The following AKAP6 variants were observed in gnomAD, a reference collection of about 807,000 sequenced individuals.
The protein encoded by AKAP6 is A-kinase anchor protein 6.
In AKAP6, 58 loss-of-function variants were observed where a neutral mutation model predicts 188.5. That is an observed-to-expected ratio of 0.31 (90% CI 0.25 to 0.38). The LOEUF (loss-of-function observed/expected upper bound fraction) is 0.38. Ranked by LOEUF, AKAP6 falls within the 10% of genes least tolerant of loss-of-function variation. AKAP6 has a pLI of 1.00. For missense variants in AKAP6, 2,710 were observed against 2,740.0 expected (o/e 0.99, Z 0.24); for synonymous variants, 989 against 998.6 (o/e 0.99, Z 0.18).
At chr14:32,565,900 A>G (rs943109029) in intron 4 of AKAP6, among the ~76,000 whole-genome samples, 1 of 152,056 alleles carries the variant, frequency 6.6e-6, no homozygotes, top group African/African-American at 2.4e-5. Flanking sequence ...TCTTTTTCTG[A>G]ATCACTTACA....
At chr14:32,375,397 A>G (rs1888127985) in intron 1 of AKAP6, among the ~76,000 whole-genome samples, 1 of 151,834 alleles carries the variant, frequency 6.6e-6, no homozygotes. Context: ...GTTTGGAAGT[A>G]CTCTCTGGAA....
chr14:32,575,661 A>G (rs966625551), intron 4 of AKAP6, among the ~76,000 whole-genome samples: 21 of 152,186 alleles, frequency 1.4e-4, no homozygotes, highest in Non-Finnish European at 2.2e-4. Context: ...GAAATCTTGC[A>G]TTTGTGAAAT....
At chr14:32,541,787 T>G (rs973110069) in intron 3 of AKAP6, among the ~76,000 whole-genome samples, 2 of 152,216 alleles carry the variant, frequency 1.3e-5, no homozygotes, top group Non-Finnish European at 2.9e-5. Flanking sequence ...GCTTTTGAAT[T>G]GGGAATCTCA....
At chr14:32,598,563 T>C (rs866284922) in intron 5 of AKAP6, among the ~76,000 whole-genome samples, 3 of 152,278 alleles carry the variant, frequency 2.0e-5, no homozygotes, top group Middle Eastern at 3.4e-3. Context: ...TGACATGAAT[T>C]GGAGATAAAT....
intron 7 of AKAP6, among the ~76,000 whole-genome samples, chr14:32,620,842 G>A (rs1413132255): frequency 6.6e-6 from 1 of 151,170 alleles, no homozygotes; most frequent in African/African-American, 2.4e-5. Flanking sequence ...CATTCTCACT[G>A]CTTGTTATTG....
At position 32,629,458 on chromosome 14, in the gene AKAP6, GT is replaced by G. The variant is rs773829389; in HGVS notation, c.2730+28681del. On this transcript the variant is annotated intron_variant, in intron 7 of 13. Coordinates refer to ENST00000280979, the MANE Select transcript of AKAP6 (RefSeq NM_004274.5). ...AAAGAAAAAGAAAGAAGGCAGTCAT[GT>G]TTTTTTTTTTTTTTCCACAATGTGA... Among the ~76,000 whole-genome samples the G allele has an allele frequency of 3.1e-3, 402 of 129,168 alleles. 4 individuals carry two copies. Among genetic ancestry groups the G allele is most frequent in the South Asian group, 8.1e-3 (32 of 3,966 alleles). 84.7% of individuals were successfully genotyped at this position (129,168 alleles called of 152,430 possible).
At chr14:32,353,726 A>T (rs1887377683) in intron 1 of AKAP6, among the ~76,000 whole-genome samples, 1 of 152,122 alleles carries the variant, frequency 6.6e-6, no homozygotes, top group Admixed American at 6.5e-5. Flanking sequence ...CTCAGCCCAA[A>T]ATCTCCTTAA....
chr14:32,649,246 C>A (rs1888110520), intron 7 of AKAP6, among the ~76,000 whole-genome samples: 1 of 152,054 alleles, frequency 6.6e-6, no homozygotes, highest in African/African-American at 2.4e-5. Flanking sequence ...ATTTAATTAT[C>A]AGTTAATGAA....
chr14:32,350,176 G>A (rs772725523), intron 1 of AKAP6, among the ~76,000 whole-genome samples: 4 of 152,138 alleles, frequency 2.6e-5, no homozygotes, highest in Non-Finnish European at 5.9e-5. Context: ...GGATATGAAA[G>A]TGAACAATAG....
intron 2 of AKAP6, among the ~76,000 whole-genome samples, chr14:32,447,163 G>C (rs1009985844): frequency 6.6e-6 from 1 of 152,130 alleles, no homozygotes; most frequent in Non-Finnish European, 1.5e-5. Flanking sequence ...CACTCAGCCT[G>C]CACTGCTCTG....
chr14:32,831,526 A>G lies in AKAP6; in HGVS notation c.*1721A>G, dbSNP rs2034819236. On this transcript the variant is annotated 3_prime_UTR_variant, in exon 14 of 14. Transcript: ENST00000280979. Reference sequence around the variant, plus strand: ...CACAGGAATGACAATCATTCAACAGATAGTTCAGAAACACTTTTTATCTGC... The same window carrying G: ...CACAGGAATGACAATCATTCAACAGGTAGTTCAGAAACACTTTTTATCTGC... 1 of 152,252 alleles carries G rather than the reference A, an allele frequency of 6.6e-6. No individual in the cohort carries two copies. Among genetic ancestry groups the G allele is most frequent in the African/African-American group, 2.4e-5 (1 of 41,458 alleles). 9.4% of individuals were successfully genotyped at this position (152,252 alleles called of 1,614,324 possible).
At chr14:32,434,888 C>T (rs1239191626) in intron 2 of AKAP6, among the ~76,000 whole-genome samples, 1 of 152,066 alleles carries the variant, frequency 6.6e-6, no homozygotes, top group Non-Finnish European at 1.5e-5. Flanking sequence ...GGGGAGAGAA[C>T]AAAAGAGCCA....
At chr14:32,829,194 C>T (rs2034759981) in intron 13 of AKAP6, among the ~76,000 whole-genome samples, 1 of 152,168 alleles carries the variant, frequency 6.6e-6, no homozygotes, top group Non-Finnish European at 1.5e-5. Context: ...ATATCATAGC[C>T]ATGAGATGTA....
chr14:32,669,114 C>T (rs1889070077), intron 7 of AKAP6, among the ~76,000 whole-genome samples: 1 of 151,978 alleles, frequency 6.6e-6, no homozygotes, highest in Non-Finnish European at 1.5e-5. Flanking sequence ...TTATACATTC[C>T]CTGAGGGTTG....
intron 7 of AKAP6, among the ~76,000 whole-genome samples, chr14:32,660,851 G>C (rs1884620): frequency 0.38 from 56,820 of 150,070 alleles, 12,258 homozygotes; most frequent in African/African-American, 0.57. Context: ...CTATCTTATG[G>C]CTTTTCTGGG....
At chr14:32,756,678 G>C (rs1476838046) in intron 11 of AKAP6, among the ~76,000 whole-genome samples, 1 of 152,194 alleles carries the variant, frequency 6.6e-6, no homozygotes, top group African/African-American at 2.4e-5. Flanking sequence ...AGCTAGCTTA[G>C]AGCCTAAGGC....
At position 32,724,835 on chromosome 14, in the gene AKAP6, C is replaced by G. The variant is rs963786979; in HGVS notation, c.3001-7619C>G. Among the ~76,000 whole-genome samples the G allele has an allele frequency of 2.0e-5, 3 of 151,632 alleles. No homozygotes were observed. The East Asian group carries it at 5.8e-4, about 29-fold the overall frequency. On this transcript the variant is annotated intron_variant, in intron 9 of 13. Coordinates refer to ENST00000280979, the MANE Select transcript of AKAP6 (RefSeq NM_004274.5). ...CTTAAATTTCTCTATTTTTTATTGA[C>G]ACTGGAGGAAAAAATAGCACATTAA...
In AKAP6 at chr14:32,822,835, G is replaced by A. The variant is rs137863986; in HGVS notation, c.5022G>A (p.Leu1674=). Residue 1674 remains leucine (L), a synonymous_variant, in exon 13 of 14, where the codon TTG becomes TTA. Coordinates refer to ENST00000280979, the MANE Select transcript of AKAP6 (RefSeq NM_004274.5). ...TGTCCTTTACTGGCCAGATGTCATT[G>A]GACATAGCATCTTCTATCAATGAAG... ...QKMSFTGQMS[L]DIASSINEDS... is the part of the protein sequence containing the mutation. 4.2e-5 allele frequency: 67 copies of A among 1,613,920 alleles called. No homozygotes were observed. In the African/African-American group the frequency reaches 6.9e-4, roughly 17 times the overall value.
At chr14:32,402,426 T>C (rs1351270654) in intron 1 of AKAP6, among the ~76,000 whole-genome samples, 1 of 152,218 alleles carries the variant, frequency 6.6e-6, no homozygotes, top group Non-Finnish European at 1.5e-5. Context: ...AAATGAAGAA[T>C]TTTATTATTT....
Sources: allele counts gnomAD v4.1 joint callset (sites outside exome capture counted in the v4.1 genomes callset), GRCh38; gene constraint gnomAD v4.1.1; transcripts MANE v1.5; gene names NCBI Gene and HGNC (gene_info 2026-07-23, HGNC 2026-07-21).